The following C10orf143 variants were observed in gnomAD, a reference collection of about 807,000 sequenced individuals.
C10orf143 encodes the protein chromosome 10 open reading frame 143.
At chr10:130,080,578 T>C (rs529394376) in intron 1 of C10orf143, among the ~76,000 whole-genome samples, 1 of 152,326 alleles carries the variant, frequency 6.6e-6, no homozygotes, top group African/African-American at 2.4e-5. Flanking sequence ...TAAACAGTCA[T>C]GGAGGCCACC....
intron 1 of C10orf143, among the ~76,000 whole-genome samples, chr10:130,086,971 C>A (rs1057342406): frequency 3.9e-5 from 6 of 152,184 alleles, no homozygotes; most frequent in Admixed American, 1.3e-4. Context: ...GGCTGAAGGG[C>A]CAGGGTCCCG....
intron 1 of C10orf143, chr10:130,107,153 G>C: frequency 6.3e-7 from 1 of 1,595,378 alleles, no homozygotes; most frequent in Non-Finnish European, 8.6e-7. Flanking sequence ...CACACATTTT[G>C]AAAGTGAGAA....
intron 3 of C10orf143, among the ~76,000 whole-genome samples, chr10:130,038,533 C>T (rs1207697265): frequency 6.6e-6 from 1 of 152,126 alleles, no homozygotes; most frequent in African/African-American, 2.4e-5. Flanking sequence ...CTGATATAGG[C>T]TCACAATCCG....
intron 3 of C10orf143, among the ~76,000 whole-genome samples, chr10:130,037,347 G>A (rs1210095986): frequency 6.6e-6 from 1 of 152,180 alleles, no homozygotes; most frequent in Non-Finnish European, 1.5e-5. Flanking sequence ...TAACACTGCC[G>A]GCAGCCCACT....
intron 3 of C10orf143, among the ~76,000 whole-genome samples, chr10:130,075,888 C>A (rs373215811): frequency 1.3e-5 from 2 of 152,184 alleles, no homozygotes; most frequent in African/African-American, 4.8e-5. Flanking sequence ...GCTTCCTGTA[C>A]AGCCTGTGGA....
At chr10:130,088,619 T>C (rs78069831) in intron 1 of C10orf143, among the ~76,000 whole-genome samples, 1 of 152,082 alleles carries the variant, frequency 6.6e-6, no homozygotes, top group Non-Finnish European at 1.5e-5. Context: ...CTGAGGGAGG[T>C]TTCTTTGGTT....
intron 3 of C10orf143, among the ~76,000 whole-genome samples, chr10:130,078,699 G>A (rs1002869676): frequency 4.6e-5 from 7 of 152,264 alleles, no homozygotes; most frequent in South Asian, 2.1e-4. Flanking sequence ...TCAGGTCTCC[G>A]TTTGAAACAA....
At chr10:130,039,769 C>T (rs964626183) in intron 3 of C10orf143, among the ~76,000 whole-genome samples, 1 of 152,086 alleles carries the variant, frequency 6.6e-6, no homozygotes, top group East Asian at 1.9e-4. Flanking sequence ...GGAAGGCTCC[C>T]GACGTCTCAT....
intron 1 of C10orf143, among the ~76,000 whole-genome samples, chr10:130,088,484 C>G (rs544901524): frequency 6.6e-6 from 1 of 152,244 alleles, no homozygotes; most frequent in African/African-American, 2.4e-5. Context: ...ATAAAATAAT[C>G]TAATCTTTCA....
downstream of C10orf143, among the ~76,000 whole-genome samples, chr10:130,059,428 TAA>T (rs1312611014): frequency 6.6e-6 from 1 of 151,874 alleles, no homozygotes; most frequent in Non-Finnish European, 1.5e-5. Flanking sequence ...TAAAAATAAA[TAA>T]AGACACATGC....
chr10:130,085,349 T>G (rs143348280), intron 1 of C10orf143, among the ~76,000 whole-genome samples: 4 of 152,202 alleles, frequency 2.6e-5, no homozygotes, highest in Non-Finnish European at 5.9e-5. Context: ...CACAATACCA[T>G]GAACCCTCCT....
At chr10:130,094,493 C>T (rs181014481) in intron 1 of C10orf143, among the ~76,000 whole-genome samples, 1 of 152,288 alleles carries the variant, frequency 6.6e-6, no homozygotes, top group East Asian at 1.9e-4. Context: ...TACTGGCAAA[C>T]TGATTCCAGC....
intron 3 of C10orf143, among the ~76,000 whole-genome samples, chr10:130,075,704 C>T (rs558997307): frequency 2.0e-5 from 3 of 152,190 alleles, no homozygotes; most frequent in East Asian, 3.9e-4. Flanking sequence ...ATCATGGGGG[C>T]GGACTTCCCC....
At chr10:130,103,257 T>C (rs1452712508) in intron 1 of C10orf143, among the ~76,000 whole-genome samples, 1 of 152,260 alleles carries the variant, frequency 6.6e-6, no homozygotes, top group African/African-American at 2.4e-5. Context: ...GGATTACAGG[T>C]GTTGAGCTAC....
intron 3 of C10orf143, among the ~76,000 whole-genome samples, chr10:130,052,526 C>T (rs1325907069): frequency 3.3e-5 from 5 of 152,196 alleles, no homozygotes; most frequent in African/African-American, 1.2e-4. Flanking sequence ...CACGCCCAGA[C>T]CAGCTTTGAG....
chr10:130,048,577 C>T lies in C10orf143; in HGVS notation c.298-12607G>A, dbSNP rs138961888. 3.7e-3 allele frequency among the ~76,000 whole-genome samples: 557 copies of T among 152,310 alleles called. 9 individuals carry two copies. Among genetic ancestry groups the T allele is most frequent in the African/African-American group, 0.013 (526 of 41,570 alleles). ...TGGGAGCCCAAAGAATTGAGACGTG[C>T]AGGGACCTCGGTCACTTTTAGGCTC... is the stretch of plus-strand genomic sequence containing the variant. On this transcript the variant is annotated intron_variant and NMD_transcript_variant, in intron 3 of 5. Transcript: ENST00000643056.
intron 1 of C10orf143, among the ~76,000 whole-genome samples, chr10:130,101,873 A>AAAC (rs1861560974): frequency 1.4e-5 from 2 of 142,518 alleles, no homozygotes; most frequent in African/African-American, 2.8e-5. Context: ...ACCAAAAAAA[A>AAAC]AAAAAAAAAA....
chr10:130,039,255 G>A (rs1396825170), intron 3 of C10orf143, among the ~76,000 whole-genome samples: 1 of 152,176 alleles, frequency 6.6e-6, no homozygotes, highest in Admixed American at 6.5e-5. Flanking sequence ...TATGGGGTCG[G>A]CTCATGTGAT....
intron 4 of C10orf143, among the ~76,000 whole-genome samples, chr10:130,035,701 T>C (rs541314699): frequency 1.3e-5 from 2 of 152,322 alleles, no homozygotes; most frequent in Admixed American, 1.3e-4. Context: ...TCCACACAGC[T>C]GGGAAGTGAG....
Sources: allele counts gnomAD v4.1 joint callset (sites outside exome capture counted in the v4.1 genomes callset), GRCh38; gene constraint gnomAD v4.1.1; transcripts MANE v1.5; gene names NCBI Gene and HGNC (gene_info 2026-07-23, HGNC 2026-07-21).